The following AEBP2 variants were observed in gnomAD, a reference collection of about 807,000 sequenced individuals.
The protein encoded by AEBP2 is zinc finger protein AEBP2.
A neutral mutation model predicts 50.8 loss-of-function variants in AEBP2; 10 were observed. The observed-to-expected ratio is 0.20, with a 90% CI of 0.12 to 0.33. The LOEUF is 0.33. Ranked by LOEUF, AEBP2 falls within the 10% of genes least tolerant of loss-of-function variation. The probability of loss-of-function intolerance (pLI) is 1.00; values close to 1 mark genes in which losing one functional copy is unlikely to be tolerated. For synonymous variants in AEBP2, 296 were observed against 261.3 expected, an observed-to-expected ratio of 1.13 and a Z score of -1.28; for missense variants, 570 against 688.0, an observed-to-expected ratio of 0.83 and a Z score of 1.92.
Position 19,489,407 on chromosome 12 carries a change from A to G in AEBP2, c.988-4393A>G, listed in dbSNP as rs111401928. On this transcript the variant is annotated intron_variant, in intron 3 of 7. Coordinates refer to ENST00000266508, the MANE Select transcript of AEBP2 (RefSeq NM_153207.5). ...CACTATGACAAGAACAGCATCGGGG[A>G]AACCGCCCCCGCCATGATCCAGTCA... Among the ~76,000 whole-genome samples, 435 of 152,276 alleles carry G rather than the reference A, an allele frequency of 2.9e-3. 1 individual carries two copies. Among genetic ancestry groups the G allele is most frequent in the African/African-American group, 9.9e-3 (411 of 41,566 alleles).
At chr12:19,474,816 G>A (rs1008229057) in intron 3 of AEBP2, among the ~76,000 whole-genome samples, 2 of 150,598 alleles carry the variant, frequency 1.3e-5, no homozygotes, top group Admixed American at 1.3e-4. Context: ...CCCTCAAGAT[G>A]GAGTCTTGCT....
chr12:19,489,402 C>T (rs193088517), intron 3 of AEBP2, among the ~76,000 whole-genome samples: 28 of 152,190 alleles, frequency 1.8e-4, no homozygotes, highest in African/African-American at 4.8e-4. Flanking sequence ...AGAACAGCAT[C>T]GGGGAAACCG....
intron 7 of AEBP2, among the ~76,000 whole-genome samples, chr12:19,516,354 C>G (rs1273015129): frequency 6.6e-6 from 1 of 152,048 alleles, no homozygotes; most frequent in African/African-American, 2.4e-5. Context: ...TTTGGGAGAG[C>G]CACTCTTGCC....
At chr12:19,474,584 C>T (rs1948620448) in intron 3 of AEBP2, among the ~76,000 whole-genome samples, 1 of 151,986 alleles carries the variant, frequency 6.6e-6, no homozygotes, top group South Asian at 2.1e-4. Flanking sequence ...TATGTAGTCT[C>T]ATTCTCCTTT....
chr12:19,432,952 A>C (rs568662542), intron 1 of AEBP2, among the ~76,000 whole-genome samples: 1 of 152,026 alleles, frequency 6.6e-6, no homozygotes, highest in East Asian at 1.9e-4. Context: ...TTTGAATATG[A>C]CTCCTAATCA....
chr12:19,478,116 C>G (rs1048589728), intron 3 of AEBP2, among the ~76,000 whole-genome samples: 2 of 152,098 alleles, frequency 1.3e-5, no homozygotes, highest in African/African-American at 4.8e-5. Context: ...TCACTTTTGT[C>G]TTTTCAAAGA....
In AEBP2 at chr12:19,488,290, A is replaced by ATT. The variant is rs34804680; in HGVS notation, c.988-5493_988-5492dup. Among the ~76,000 whole-genome samples the ATT allele has an allele frequency of 4.2e-3, 497 of 118,396 alleles. 5 individuals are homozygous for ATT. The highest frequency in any genetic ancestry group is 6.8e-3 in the Admixed American group (80 of 11,714). The allele number at this position is 118,396 out of a possible 152,430, so 77.7% of individuals were successfully genotyped here. On this transcript the variant is annotated intron_variant, in intron 3 of 7. Coordinates refer to ENST00000266508, the MANE Select transcript of AEBP2 (RefSeq NM_153207.5). The stretch of plus-strand genomic sequence containing the variant: ...AGGCACATGCCTGGCTAATTTTTGT[A>ATT]TTTTTTTTTTTTTTTTTTGTAGAGA...
rs1947916009 is a variant in AEBP2, at chr12:19,439,930, C to CGAGGCA, written c.235_240dup (p.Ala79_Glu80dup). 1 of 1,507,184 alleles carries CGAGGCA rather than the reference C, an allele frequency of 6.6e-7. No individual in the cohort carries two copies. The highest frequency in any genetic ancestry group is 8.8e-7 in the Non-Finnish European group (1 of 1,135,444). The allele number at this position is 1,507,184 out of a possible 1,614,324, so 93.4% of individuals were successfully genotyped here. Reference sequence around the variant, plus strand: ...GCGGCGGCGGAGGAGTGGGGGGCGGCGAGGCAGAGACGATGTCGGAGCCGA... The same window carrying CGAGGCA: ...GCGGCGGCGGAGGAGTGGGGGGCGGCGAGGCAGAGGCAGAGACGATGTCGGAGCCGA... On this transcript the variant is annotated inframe_insertion, in exon 1 of 8. Transcript: ENST00000266508.
rs1949380158 is a variant in AEBP2 at position 19,520,373 on chromosome 12, T to G, written c.*2256T>G. ...AAAACCAGATTTCGTGATCCTTGAT[T>G]AACTTCTGAGTACTCAATCAATCAT... is the stretch of plus-strand genomic sequence containing the variant. On this transcript the variant is annotated 3_prime_UTR_variant, in exon 8 of 8. Transcript: ENST00000266508. 1 of 152,228 alleles carries G rather than the reference T, an allele frequency of 6.6e-6. No individual in the cohort carries two copies. The highest frequency in any genetic ancestry group is 6.5e-5 in the Admixed American group (1 of 15,284). The allele number at this position is 152,228 out of a possible 1,614,324, so 9.4% of individuals were successfully genotyped here.
At chr12:19,451,608 G>T (rs1565709231) in intron 1 of AEBP2, among the ~76,000 whole-genome samples, 1 of 152,086 alleles carries the variant, frequency 6.6e-6, no homozygotes, top group Non-Finnish European at 1.5e-5. Flanking sequence ...TCAAGGGGAG[G>T]TAATACAGAC....
At chr12:19,431,921 T>A (rs1430814378) in intron 1 of AEBP2, among the ~76,000 whole-genome samples, 2 of 152,192 alleles carry the variant, frequency 1.3e-5, no homozygotes, top group African/African-American at 4.8e-5. Flanking sequence ...GTGCAAAATG[T>A]AACACAGCTG....
At chr12:19,461,028 G>A (rs1455584155) in intron 1 of AEBP2, among the ~76,000 whole-genome samples, 1 of 152,110 alleles carries the variant, frequency 6.6e-6, no homozygotes, top group Admixed American at 6.6e-5. Context: ...AAATGATTCA[G>A]AGAAACAGAT....
At chr12:19,449,155 T>C (rs1035437272) in intron 1 of AEBP2, among the ~76,000 whole-genome samples, 18 of 152,196 alleles carry the variant, frequency 1.2e-4, no homozygotes, top group African/African-American at 3.4e-4. Flanking sequence ...TCATCTGATA[T>C]TTTTCCTCAA....
In AEBP2 at chr12:19,440,235, G is replaced by C; in HGVS notation, c.536G>C (p.Ser179Thr). ...GGGGGGSSSSSVVSSGGDEGY... is the reference protein window; with the variant it reads ...GGGGGGSSSSTVVSSGGDEGY... ...GGCGGGGGCGGCAGCAGTAGCAGCA[G>C]CGTAGTCTCCAGCGGCGGCGACGAG... Residue 179 changes from serine (S) to threonine (T), a missense_variant, in exon 1 of 8, where the codon AGC (serine) becomes ACC (threonine). By Grantham distance (58) the Ser-to-Thr change is moderately conservative. This residue lies in a region of AEBP2 where 386 missense variants were observed against 336.8 expected (regional missense o/e 1.15). Coordinates refer to ENST00000266508, the MANE Select transcript of AEBP2 (RefSeq NM_153207.5). 6.8e-7 allele frequency: 1 copy of C among 1,474,822 alleles called. No homozygotes were observed. Among genetic ancestry groups the C allele is most frequent in the South Asian group, 1.4e-5 (1 of 73,018 alleles). 91.4% of individuals were successfully genotyped at this position (1,474,822 alleles called of 1,614,324 possible).
At chr12:19,426,257 A>G (rs1182098179) in intron 1 of AEBP2, among the ~76,000 whole-genome samples, 1 of 152,040 alleles carries the variant, frequency 6.6e-6, no homozygotes, top group Non-Finnish European at 1.5e-5. Context: ...TTCTAATTCA[A>G]TGATGGTGAC....
chr12:19,406,262 G>C (rs2095736231), intron 1 of AEBP2, among the ~76,000 whole-genome samples: 1 of 152,074 alleles, frequency 6.6e-6, no homozygotes, highest in Non-Finnish European at 1.5e-5. Flanking sequence ...ACCACACCCA[G>C]CCTACATTGA....
chr12:19,516,305 G>A (rs896127268), intron 7 of AEBP2, among the ~76,000 whole-genome samples: 10 of 152,084 alleles, frequency 6.6e-5, no homozygotes, highest in Non-Finnish European at 1.3e-4. Flanking sequence ...TTACTCTTTG[G>A]AGAGATGAAT....
In AEBP2 at chr12:19,519,025, T is replaced by G. The variant is rs532160049; in HGVS notation, c.*908T>G. 330 of 176,512 alleles carry G rather than the reference T, an allele frequency of 1.9e-3. No homozygotes were observed. Among genetic ancestry groups the G allele is most frequent in the Non-Finnish European group, 3.0e-3 (253 of 83,946 alleles). The allele number at this position is 176,512 out of a possible 1,614,324, so 10.9% of individuals were successfully genotyped here. A position where few individuals can be genotyped will look rare whatever the true frequency, so the allele number is the denominator to read the frequency against. On this transcript the variant is annotated 3_prime_UTR_variant, in exon 8 of 8. Coordinates refer to ENST00000266508, the MANE Select transcript of AEBP2 (RefSeq NM_153207.5). ...AAAAATTGTATTTTTTTTACAAGTA[T>G]CTTCAAACTGAATCTTTTATGCACC...
intron 4 of AEBP2, among the ~76,000 whole-genome samples, chr12:19,496,319 G>A (rs1426275505): frequency 6.6e-6 from 1 of 152,176 alleles, no homozygotes; most frequent in Non-Finnish European, 1.5e-5. Flanking sequence ...AGTTGGCAGA[G>A]AGAGGTGGTG....
Sources: gnomAD v4.1 joint callset for allele counts (sites outside exome capture counted in the v4.1 genomes callset) on GRCh38, gnomAD v4.1.1 for gene constraint, gnomAD v4.1.1 regional missense constraint, MANE v1.5 for transcripts, NCBI Gene and HGNC (gene_info 2026-07-23, HGNC 2026-07-21) for gene names.